Variants in GABRG3 observed in about 807,000 individuals in gnomAD.
The protein encoded by GABRG3 is gamma-aminobutyric acid receptor subunit gamma-3.
GABRG3 carries 25 observed loss-of-function variants against 48.8 expected under a neutral mutation model. The observed-to-expected ratio is 0.51, with a 90% CI of 0.37 to 0.72. The LOEUF (loss-of-function observed/expected upper bound fraction) is 0.72. Ranked by LOEUF, GABRG3 falls within the 30% of genes least tolerant of loss-of-function variation. The probability of loss-of-function intolerance (pLI) is 0.00; values close to 1 mark genes in which losing one functional copy is unlikely to be tolerated. For synonymous variants in GABRG3, 227 were observed against 217.6 expected, an observed-to-expected ratio of 1.04 and a Z score of -0.38; for missense variants, 394 against 577.9, an observed-to-expected ratio of 0.68 and a Z score of 3.26.
At chr15:27,513,527 G>A (rs2150859348) in intron 6 of GABRG3, among the ~76,000 whole-genome samples, 1 of 152,182 alleles carries the variant, frequency 6.6e-6, no homozygotes, top group South Asian at 2.1e-4. Context: ...ATATTGTCAG[G>A]AATATGAAGA....
intron 6 of GABRG3, among the ~76,000 whole-genome samples, chr15:27,508,537 A>G (rs139506560): frequency 1.8e-4 from 27 of 152,338 alleles, no homozygotes; most frequent in Non-Finnish European, 5.9e-5. Flanking sequence ...TTATCAAAGC[A>G]TAAATACACT....
At position 26,971,350 on chromosome 15, in the gene GABRG3, C is replaced by G. The variant is rs1025367023; in HGVS notation, c.-186C>G. 5 of 359,846 alleles carry G rather than the reference C, an allele frequency of 1.4e-5. No homozygotes were observed. The highest frequency in any genetic ancestry group is 9.7e-5 in the Admixed American group (2 of 20,676). 22.3% of individuals were successfully genotyped at this position (359,846 alleles called of 1,614,324 possible). ...GGCGCGCCGCGGTGGCCCGGCGTCC[C>G]GTGTGCGTCCAGTGTGCGCCCCGCG... On this transcript the variant is annotated 5_prime_UTR_variant, in exon 1 of 10. Transcript: ENST00000615808.
intron 3 of GABRG3, among the ~76,000 whole-genome samples, chr15:27,150,940 T>C (rs17137644): frequency 0.035 from 5,372 of 152,288 alleles, 334 homozygotes; most frequent in African/African-American, 0.12. Flanking sequence ...GCTCAGGTAA[T>C]GATGAAGAAA....
At chr15:27,321,082 C>T (rs1459562515) in intron 3 of GABRG3, among the ~76,000 whole-genome samples, 1 of 152,182 alleles carries the variant, frequency 6.6e-6, no homozygotes, top group Non-Finnish European at 1.5e-5. Context: ...CTGCTGCACC[C>T]CTCACCTTTC....
rs1181064418 is a variant in GABRG3, at chr15:27,527,552, G to A, written c.985G>A (p.Ala329Thr). Residue 329 changes from alanine to threonine, a missense_variant, in exon 8 of 10, where the codon GCC becomes ACC. Physicochemically the swap from Ala to Thr is moderately conservative, Grantham distance 58. Coordinates refer to ENST00000615808, the MANE Select transcript of GABRG3 (RefSeq NM_033223.5). ...GACCGTGTGCTTCCTGTTTGTCTTC[G>A]CCGCGCTGATGGAGTATGCCACCCT... ...FVTVCFLFVFAALMEYATLNY... is the reference protein window; with the variant it reads ...FVTVCFLFVFTALMEYATLNY... 3 of 1,613,780 alleles carry A rather than the reference G, an allele frequency of 1.9e-6. No homozygotes were observed. Among genetic ancestry groups the A allele is most frequent in the African/African-American group, 1.3e-5 (1 of 74,906 alleles).
chr15:27,141,913 C>A (rs951983457), intron 3 of GABRG3, among the ~76,000 whole-genome samples: 1 of 152,068 alleles, frequency 6.6e-6, no homozygotes, highest in African/African-American at 2.4e-5. Flanking sequence ...CTGTCTTTGC[C>A]ATTGCTTTCT....
At chr15:27,407,926 G>A (rs934628712) in intron 5 of GABRG3, among the ~76,000 whole-genome samples, 1 of 152,288 alleles carries the variant, frequency 6.6e-6, no homozygotes, top group African/African-American at 2.4e-5. Flanking sequence ...TCCATAGAAT[G>A]TACACAAGAA....
chr15:27,210,475 C>G (rs983620872), intron 3 of GABRG3, among the ~76,000 whole-genome samples: 1 of 152,210 alleles, frequency 6.6e-6, no homozygotes, highest in South Asian at 2.1e-4. Context: ...CACACGCGCA[C>G]CTGCGTGCAC....
intron 5 of GABRG3, among the ~76,000 whole-genome samples, chr15:27,443,559 CT>C (rs1888853592): frequency 6.6e-6 from 1 of 152,116 alleles, no homozygotes; most frequent in Non-Finnish European, 1.5e-5. Context: ...TTTAAGTAAC[CT>C]TTTATAGATA....
At chr15:27,404,533 G>T (rs542917661) in intron 5 of GABRG3, among the ~76,000 whole-genome samples, 20 of 152,310 alleles carry the variant, frequency 1.3e-4, no homozygotes, top group Admixed American at 4.6e-4. Context: ...TGGGGCCCTG[G>T]GGCCCGGCCT....
chr15:26,984,413 G>C (rs937406483), intron 2 of GABRG3, among the ~76,000 whole-genome samples: 1 of 152,202 alleles, frequency 6.6e-6, no homozygotes, highest in East Asian at 1.9e-4. Flanking sequence ...TTGCGTGGAA[G>C]TAACAAATCT....
chr15:27,022,073 G>A (rs1895905087), intron 2 of GABRG3, among the ~76,000 whole-genome samples: 1 of 152,106 alleles, frequency 6.6e-6, no homozygotes, highest in African/African-American at 2.4e-5. Flanking sequence ...GTAGATGACT[G>A]CAGAACCCAT....
At chr15:27,060,633 C>G (rs577820611) in intron 3 of GABRG3, among the ~76,000 whole-genome samples, 6 of 152,270 alleles carry the variant, frequency 3.9e-5, no homozygotes, top group Admixed American at 1.3e-4. Flanking sequence ...CTATTTCTGA[C>G]GAGTCCCTGC....
chr15:27,015,510 G>A (rs139452578), intron 2 of GABRG3, among the ~76,000 whole-genome samples: 3,587 of 150,264 alleles, frequency 0.024, 54 homozygotes, highest in Non-Finnish European at 0.036. Context: ...TGAGCCTCCC[G>A]AGTAGCTGGG....
intron 5 of GABRG3, among the ~76,000 whole-genome samples, chr15:27,372,496 A>G (rs1046452128): frequency 6.6e-6 from 1 of 152,136 alleles, no homozygotes. Flanking sequence ...GGAGTCAAGC[A>G]ATCCTCTCAC....
chr15:27,533,468 G>C lies in GABRG3; in HGVS notation c.*587G>C, dbSNP rs1175261022. The C allele has an allele frequency of 6.5e-6, 1 of 152,992 alleles. No homozygotes were observed. Among genetic ancestry groups the C allele is most frequent in the Non-Finnish European group, 1.5e-5 (1 of 68,720 alleles). 9.5% of individuals were successfully genotyped at this position (152,992 alleles called of 1,614,324 possible). A position where few individuals can be genotyped will look rare whatever the true frequency, so the allele number is the denominator to read the frequency against. Reference sequence around the variant, plus strand: ...TCCTTTACCTAATAACCTCGTTCTAGGCCTGGGGAGAGTACACTCGCATTG... The same window carrying C: ...TCCTTTACCTAATAACCTCGTTCTACGCCTGGGGAGAGTACACTCGCATTG... On this transcript the variant is annotated 3_prime_UTR_variant, in exon 10 of 10. Coordinates refer to ENST00000615808, the MANE Select transcript of GABRG3 (RefSeq NM_033223.5).
rs182923874 is a variant in GABRG3, at chr15:27,251,888, C to T, written c.271-74921C>T. On this transcript the variant is annotated intron_variant, in intron 3 of 9. Coordinates refer to ENST00000615808, the MANE Select transcript of GABRG3 (RefSeq NM_033223.5). ...TCTGCCTCTGCCGCCTCTGATAGCC[C>T]GGGCCTGCGTCCTTGCCACAGTCAG... Among the ~76,000 whole-genome samples the T allele has an allele frequency of 1.4e-3, 207 of 152,274 alleles. 4 individuals carry two copies. The East Asian group carries it at 0.033, about 24-fold the overall frequency.
intron 5 of GABRG3, among the ~76,000 whole-genome samples, chr15:27,389,164 AG>A (rs1267546867): frequency 6.6e-6 from 1 of 152,230 alleles, no homozygotes; most frequent in African/African-American, 2.4e-5. Context: ...AGATCCAAAT[AG>A]AAAGTTAACA....
At chr15:27,163,849 A>T (rs1166474198) in intron 3 of GABRG3, among the ~76,000 whole-genome samples, 1 of 152,204 alleles carries the variant, frequency 6.6e-6, no homozygotes, top group Non-Finnish European at 1.5e-5. Flanking sequence ...TCCATGAAGT[A>T]AACAGTTCTG....
Sources: allele counts gnomAD v4.1 joint callset (sites outside exome capture counted in the v4.1 genomes callset), GRCh38; gene constraint gnomAD v4.1.1; transcripts MANE v1.5; gene names NCBI Gene and HGNC (gene_info 2026-07-23, HGNC 2026-07-21).